Variants in CCDC85C observed in about 807,000 individuals in gnomAD.
CCDC85C encodes the protein coiled-coil domain-containing protein 85C.
Under a neutral mutation model 38.3 loss-of-function variants are expected in CCDC85C, and 18 were observed. That is an observed-to-expected ratio of 0.47 (90% CI 0.33 to 0.70). The LOEUF (loss-of-function observed/expected upper bound fraction) is 0.70, where lower values mean the gene tolerates loss of function less well. Ranked by LOEUF, CCDC85C falls within the 30% of genes least tolerant of loss-of-function variation. CCDC85C has a pLI of 0.03. For missense variants in CCDC85C, 566 were observed against 621.2 expected (o/e 0.91, Z 0.94); for synonymous variants, 264 against 293.8 (o/e 0.90, Z 1.04).
chr14:99,522,122 T>C lies in CCDC85C; in HGVS notation c.975+11A>G. On this transcript the variant is annotated intron_variant, in intron 3 of 5. Coordinates refer to ENST00000380243, the MANE Select transcript of CCDC85C (RefSeq NM_001144995.2). ...CCAGAACATGTGGGCTTTTTTGGGGTGCACACTCACGTTCTGCAGGGAGTC... is the reference window on the plus strand; with the variant it reads ...CCAGAACATGTGGGCTTTTTTGGGGCGCACACTCACGTTCTGCAGGGAGTC... 1 of 1,545,178 alleles carries C rather than the reference T, an allele frequency of 6.5e-7. No homozygotes were observed. The highest frequency in any genetic ancestry group is 1.2e-5 in the South Asian group (1 of 83,934).
chr14:99,526,984 C>T (rs1031368417), intron 2 of CCDC85C, among the ~76,000 whole-genome samples: 3 of 152,086 alleles, frequency 2.0e-5, no homozygotes, highest in African/African-American at 7.2e-5. Context: ...TCATCCGTCT[C>T]GGAGATCCTC....
intron 1 of CCDC85C, among the ~76,000 whole-genome samples, chr14:99,571,079 G>A (rs190185647): frequency 6.6e-6 from 1 of 152,156 alleles, no homozygotes; most frequent in Admixed American, 6.5e-5. Context: ...CCACCTGCCA[G>A]GGACACTCCC....
rs880959 is a variant in CCDC85C, at chr14:99,544,978, T to C, written c.794-8890A>G. Among the ~76,000 whole-genome samples the C allele has an allele frequency of 0.46, 70,547 of 151,792 alleles. 16,794 individuals are homozygous for C. Among genetic ancestry groups the C allele is most frequent in the South Asian group, 0.57 (2,723 of 4,812 alleles). On this transcript the variant is annotated intron_variant, in intron 1 of 5. Coordinates refer to ENST00000380243, the MANE Select transcript of CCDC85C (RefSeq NM_001144995.2). The surrounding 1 kb of genome is among the most constrained non-coding windows in gnomAD (Gnocchi z 5.3). ...AGCCCCACACTCTCCATCTCACACT[T>C]CCACAGCCGGATTAGAAATCAAACA...
chr14:99,502,058 TA>T lies in CCDC85C; in HGVS notation c.*13187del. The T allele has an allele frequency of 1.2e-6, 1 of 842,272 alleles. No individual in the cohort carries two copies. The highest frequency in any genetic ancestry group is 1.7e-6 in the Non-Finnish European group (1 of 598,094). 52.2% of individuals were successfully genotyped at this position (842,272 alleles called of 1,614,324 possible). Reference sequence around the variant, plus strand: ...ACTTAGTCGGGTACCTTTAGAAGAGTAAAGACTTGAGTTTATTTATTTATAG... The same window carrying T: ...ACTTAGTCGGGTACCTTTAGAAGAGTAAGACTTGAGTTTATTTATTTATAG... On this transcript the variant is annotated 3_prime_UTR_variant, in exon 6 of 6. Coordinates refer to ENST00000380243, the MANE Select transcript of CCDC85C (RefSeq NM_001144995.2).
Position 99,502,634 on chromosome 14 carries a change from G to T in CCDC85C, c.*12612C>A. The T allele has an allele frequency of 7.5e-7, 1 of 1,329,844 alleles. No individual in the cohort carries two copies. The highest frequency in any genetic ancestry group is 1.1e-6 in the Non-Finnish European group (1 of 945,154). 82.4% of individuals were successfully genotyped at this position (1,329,844 alleles called of 1,614,324 possible). ...GTGATTCATGCTTAGGTCCTCGTAGGGGTATCATAACTGATTCTTTATCCA... is the reference window on the plus strand; with the variant it reads ...GTGATTCATGCTTAGGTCCTCGTAGTGGTATCATAACTGATTCTTTATCCA... On this transcript the variant is annotated 3_prime_UTR_variant, in exon 6 of 6. Transcript: ENST00000380243.
chr14:99,532,469 T>C (rs1388763721), intron 2 of CCDC85C, among the ~76,000 whole-genome samples: 1 of 152,164 alleles, frequency 6.6e-6, no homozygotes, highest in African/African-American at 2.4e-5. Context: ...CAGCCCTGCA[T>C]CCCCAGGGCC....
At chr14:99,531,761 A>G (rs1439875683) in intron 2 of CCDC85C, among the ~76,000 whole-genome samples, 1 of 151,992 alleles carries the variant, frequency 6.6e-6, no homozygotes. Context: ...GTACAACTTG[A>G]TTTCCCTGAC....
At chr14:99,580,480 G>T (rs1168430137) in intron 1 of CCDC85C, among the ~76,000 whole-genome samples, 1 of 127,576 alleles carries the variant, frequency 7.8e-6, no homozygotes, top group African/African-American at 2.8e-5. Context: ...GGGAGGGGGG[G>T]AAGGGGGCGG....
intron 1 of CCDC85C, among the ~76,000 whole-genome samples, chr14:99,592,575 C>T (rs543258131): frequency 2.0e-5 from 3 of 152,282 alleles, no homozygotes; most frequent in Non-Finnish European, 2.9e-5. Flanking sequence ...TCAGATGCCA[C>T]CAGGAAGTTG....
Position 99,520,553 on chromosome 14 carries a change from A to G in CCDC85C, c.975+1580T>C, listed in dbSNP as rs1408522952. 1.4e-5 allele frequency among the ~76,000 whole-genome samples: 1 copy of G among 71,256 alleles called. No homozygotes were observed. Among genetic ancestry groups the G allele is most frequent in the Non-Finnish European group, 3.2e-5 (1 of 31,202 alleles). The allele number at this position is 71,256 out of a possible 152,430, so 46.7% of individuals were successfully genotyped here. A position where few individuals can be genotyped will look rare whatever the true frequency, so the allele number is the denominator to read the frequency against. ...ACTCCTGGGGGCCTGCCCGCCGACC[A>G]GCCCCGATCACGGCCCCTGCACCTC... On this transcript the variant is annotated intron_variant, in intron 3 of 5. Coordinates refer to ENST00000380243, the MANE Select transcript of CCDC85C (RefSeq NM_001144995.2). This position sits in a 1 kb window ranked among gnomAD's most constrained non-coding sequence, Gnocchi z 4.1.
chr14:99,557,752 T>C (rs957782038), intron 1 of CCDC85C, among the ~76,000 whole-genome samples: 1 of 152,018 alleles, frequency 6.6e-6, no homozygotes, highest in African/African-American at 2.4e-5. Flanking sequence ...CCATCTCTAC[T>C]AAAAATACAA....
At position 99,510,548 on chromosome 14, in the gene CCDC85C, T is replaced by C; in HGVS notation, c.*4698A>G. On this transcript the variant is annotated 3_prime_UTR_variant, in exon 6 of 6. Coordinates refer to ENST00000380243, the MANE Select transcript of CCDC85C (RefSeq NM_001144995.2). ...CCCCACCTGCCATCCCACCCCCTAC[T>C]CCTGGCTACCCCCCACCCCCACCCA... is the stretch of plus-strand genomic sequence containing the variant. The C allele has an allele frequency of 3.1e-6, 1 of 318,590 alleles. No individual in the cohort carries two copies. The highest frequency in any genetic ancestry group is 5.7e-6 in the Non-Finnish European group (1 of 176,476). 19.7% of individuals were successfully genotyped at this position (318,590 alleles called of 1,614,324 possible).
Position 99,507,347 on chromosome 14 carries a change from C to A in CCDC85C, c.*7899G>T. 1 of 571,112 alleles carries A rather than the reference C, an allele frequency of 1.8e-6. No homozygotes were observed. The highest frequency in any genetic ancestry group is 3.0e-5 in the Admixed American group (1 of 33,862). 35.4% of individuals were successfully genotyped at this position (571,112 alleles called of 1,614,324 possible). A position where few individuals can be genotyped will look rare whatever the true frequency, so the allele number is the denominator to read the frequency against. On this transcript the variant is annotated 3_prime_UTR_variant, in exon 6 of 6. Coordinates refer to ENST00000380243, the MANE Select transcript of CCDC85C (RefSeq NM_001144995.2). ...ATCCCAGCACTTTGGGAGGCGGAGGCAGGAGAATCACCTGACCCCAGGAGT... is the reference window on the plus strand; with the variant it reads ...ATCCCAGCACTTTGGGAGGCGGAGGAAGGAGAATCACCTGACCCCAGGAGT...
intron 1 of CCDC85C, among the ~76,000 whole-genome samples, chr14:99,540,932 G>T (rs1897700893): frequency 6.6e-6 from 1 of 152,184 alleles, no homozygotes; most frequent in Admixed American, 6.5e-5. Flanking sequence ...CTGCCACTGG[G>T]ACCAGGACTC....
intron 1 of CCDC85C, among the ~76,000 whole-genome samples, chr14:99,585,707 G>A (rs1026585937): frequency 6.6e-6 from 1 of 152,186 alleles, no homozygotes; most frequent in African/African-American, 2.4e-5. Context: ...GAGATCGCAC[G>A]GGTGGATGCA....
In CCDC85C at chr14:99,522,154, G is replaced by A; in HGVS notation, c.954C>T (p.Ser318=). ...SESQLASLPP[S]YQDSLQNGPA... is the part of the protein sequence containing the mutation. ...TCACGTTCTGCAGGGAGTCCTGGTA[G>A]GAGGGCGGCAGGGACGCAAGCTGGG... The change falls in exon 3 of 6, where the codon TCC becomes TCT. Residue 318 remains serine (S), a synonymous_variant. Transcript: ENST00000380243. 1 of 1,551,038 alleles carries A rather than the reference G, an allele frequency of 6.4e-7. No homozygotes were observed. The highest frequency in any genetic ancestry group is 1.2e-5 in the South Asian group (1 of 84,066).
At chr14:99,599,370 G>A (rs1036035913) in intron 1 of CCDC85C, among the ~76,000 whole-genome samples, 2 of 152,174 alleles carry the variant, frequency 1.3e-5, no homozygotes, top group African/African-American at 4.8e-5. Flanking sequence ...GGAAATGCCT[G>A]GCAATGGGCA....
chr14:99,552,281 G>A (rs144310364), intron 1 of CCDC85C, among the ~76,000 whole-genome samples: 6 of 152,216 alleles, frequency 3.9e-5, no homozygotes, highest in East Asian at 1.9e-4. Context: ...CCTGCCCTAC[G>A]GCCCAAGCAT....
Position 99,506,337 on chromosome 14 carries a change from T to A in CCDC85C, c.*8909A>T, listed in dbSNP as rs1473102526. 6.6e-6 allele frequency: 1 copy of A among 152,258 alleles called. No individual in the cohort carries two copies. Among genetic ancestry groups the A allele is most frequent in the Non-Finnish European group, 1.5e-5 (1 of 68,080 alleles). The allele number at this position is 152,258 out of a possible 1,614,324, so 9.4% of individuals were successfully genotyped here. A position where few individuals can be genotyped will look rare whatever the true frequency, so the allele number is the denominator to read the frequency against. On this transcript the variant is annotated 3_prime_UTR_variant, in exon 6 of 6. Coordinates refer to ENST00000380243, the MANE Select transcript of CCDC85C (RefSeq NM_001144995.2). ...TGCAAACAGAAAAATAGGGTTCTTTTTCAGTTGTGATGTGCACGCTGCCTT... is the reference window on the plus strand; with the variant it reads ...TGCAAACAGAAAAATAGGGTTCTTTATCAGTTGTGATGTGCACGCTGCCTT...
Sources: gnomAD v4.1 joint callset for allele counts (sites outside exome capture counted in the v4.1 genomes callset) on GRCh38, gnomAD v4.1.1 for gene constraint, Gnocchi (gnomAD v3.1) non-coding constraint, MANE v1.5 for transcripts, NCBI Gene and HGNC (gene_info 2026-07-23, HGNC 2026-07-21) for gene names.